Variants in CRACR2A observed in about 807,000 individuals in gnomAD.
CRACR2A encodes the protein EF-hand calcium-binding domain-containing protein 4B.
A neutral mutation model predicts 90.5 loss-of-function variants in CRACR2A; 79 were observed. The observed-to-expected ratio is 0.87, with a 90% CI of 0.73 to 1.05. The LOEUF is 1.05. Among genes scored for constraint, CRACR2A ranks in the 50% least tolerant of loss-of-function variants. The probability of loss-of-function intolerance (pLI) is 0.00; values close to 1 mark genes in which losing one functional copy is unlikely to be tolerated. For synonymous variants in CRACR2A, 338 were observed against 356.7 expected (o/e 0.95, Z 0.59); for missense variants, 823 against 897.2 (o/e 0.92, Z 1.06).
intron 2 of CRACR2A, chr12:3,727,826 G>A (rs1002952850): frequency 3.3e-5 from 5 of 151,906 alleles, no homozygotes; most frequent in East Asian, 1.9e-4. Context: ...CCCAAACCTC[G>A]GCATTATGCA....
At position 3,633,754 on chromosome 12, in the gene CRACR2A, T is replaced by A; in HGVS notation, c.1603-18A>T. 1.3e-6 allele frequency: 2 copies of A among 1,551,384 alleles called. No individual in the cohort carries two copies. Among genetic ancestry groups the A allele is most frequent in the Non-Finnish European group, 1.7e-6 (2 of 1,146,942 alleles). ...CTTTCCTCCTGTGGATGGCACACAA[T>A]CTGACCAACTGCAGGGAATAGTCTT... is the stretch of plus-strand genomic sequence containing the variant. On this transcript the variant is annotated intron_variant, in intron 14 of 19. Coordinates refer to ENST00000440314, the MANE Select transcript of CRACR2A (RefSeq NM_001144958.2). The surrounding 1 kb of genome is among the most constrained non-coding windows in gnomAD (Gnocchi z 4.5).
chr12:3,727,305 C>A (rs750290322), intron 2 of CRACR2A: 4 of 152,042 alleles, frequency 2.6e-5, no homozygotes, highest in Admixed American at 6.6e-5. Flanking sequence ...AAAGAAGTAA[C>A]CATGATAGCT....
chr12:3,699,841 T>C (rs1034094912), intron 3 of CRACR2A, among the ~76,000 whole-genome samples: 1 of 152,188 alleles, frequency 6.6e-6, no homozygotes, highest in Non-Finnish European at 1.5e-5. Context: ...AATCTTTTGC[T>C]GAAGTCTTCA....
chr12:3,720,283 A>G lies in CRACR2A; in HGVS notation c.-117-6966T>C, dbSNP rs191933152. ...AAGGAAAGAAAGAAAGAGAGAGAGA[A>G]AGAAAGAAAGAAAAAGAAAGAAAGA... On this transcript the variant is annotated intron_variant, in intron 2 of 19. Coordinates refer to ENST00000440314, the MANE Select transcript of CRACR2A (RefSeq NM_001144958.2). Among the ~76,000 whole-genome samples, 1,406 of 143,392 alleles carry G rather than the reference A, an allele frequency of 9.8e-3. 21 individuals carry two copies. The highest frequency in any genetic ancestry group is 0.036 in the African/African-American group (1,324 of 36,344). 94.1% of individuals were successfully genotyped at this position (143,392 alleles called of 152,430 possible). A position where few individuals can be genotyped will look rare whatever the true frequency, so the allele number is the denominator to read the frequency against.
intron 6 of CRACR2A, among the ~76,000 whole-genome samples, chr12:3,677,648 T>C (rs922237617): frequency 3.9e-5 from 6 of 152,210 alleles, no homozygotes; most frequent in Admixed American, 3.3e-4. Flanking sequence ...CTCTGGCCTG[T>C]TGTCCTTGGA....
intron 1 of CRACR2A, among the ~76,000 whole-genome samples, chr12:3,745,825 T>TAAAATAAAATA (rs149739964): frequency 9.0e-5 from 9 of 100,512 alleles, no homozygotes; most frequent in Non-Finnish European, 1.2e-4. Context: ...TAAAATAAAA[T>TAAAATAAAATA]AAAGAAAGAA....
Position 3,659,559 on chromosome 12 carries a change from C to T in CRACR2A, c.762+5G>A, listed in dbSNP as rs1354023200. 12 of 1,613,874 alleles carry T rather than the reference C, an allele frequency of 7.4e-6. No homozygotes were observed. The Admixed American group carries it at 2.0e-4, about 27-fold the overall frequency. On this transcript the variant is annotated splice_donor_5th_base_variant and intron_variant, in intron 8 of 19. Coordinates refer to ENST00000440314, the MANE Select transcript of CRACR2A (RefSeq NM_001144958.2). ...CAGAGCCAAGCCTGGGGAGCGTACA[C>T]TTACCTTCAGGAGAAACTGCTCCTT...
chr12:3,647,912 T>C (rs1944719079), intron 11 of CRACR2A: 1 of 985,354 alleles, frequency 1.0e-6, no homozygotes, highest in Non-Finnish European at 1.2e-6. Context: ...GGTTTGTCTT[T>C]CTGAGGAGGG....
intron 4 of CRACR2A, among the ~76,000 whole-genome samples, chr12:3,689,883 T>C (rs1161645239): frequency 2.0e-5 from 3 of 151,862 alleles, no homozygotes; most frequent in African/African-American, 7.3e-5. Flanking sequence ...CTTGGAAGGG[T>C]GTATATGTCC....
In CRACR2A at chr12:3,640,075, C is replaced by T. The variant is rs181500522; in HGVS notation, c.1272-1621G>A. Among the ~76,000 whole-genome samples the T allele has an allele frequency of 2.6e-5, 4 of 152,210 alleles. No homozygotes were observed. In the East Asian group the frequency reaches 7.7e-4, roughly 29 times the overall value. On this transcript the variant is annotated intron_variant, in intron 13 of 19. Transcript: ENST00000440314. The stretch of plus-strand genomic sequence containing the variant: ...CACTTAAACAGGCATTAAAACAAAG[C>T]ATTTCTTGGAAAAAGCTTTCTGTCT...
At chr12:3,625,985 A>C (rs1260630459) in intron 17 of CRACR2A, among the ~76,000 whole-genome samples, 3 of 152,256 alleles carry the variant, frequency 2.0e-5, no homozygotes, top group African/African-American at 7.2e-5. Context: ...TGCTGGATTC[A>C]CCCATACCAT....
Position 3,671,262 on chromosome 12 carries a change from T to C in CRACR2A, c.671+2184A>G, listed in dbSNP as rs567711012. 5.3e-5 allele frequency among the ~76,000 whole-genome samples: 8 copies of C among 152,268 alleles called. No individual in the cohort carries two copies. The South Asian group carries it at 1.5e-3, about 28-fold the overall frequency. Reference sequence around the variant, plus strand: ...TCTCCTTAGAGAACAGAAGAATGCCTTCCTCTCTGGGAGAGACCACTTAAC... The same window carrying C: ...TCTCCTTAGAGAACAGAAGAATGCCCTCCTCTCTGGGAGAGACCACTTAAC... On this transcript the variant is annotated intron_variant, in intron 7 of 19. Coordinates refer to ENST00000440314, the MANE Select transcript of CRACR2A (RefSeq NM_001144958.2).
At position 3,711,536 on chromosome 12, in the gene CRACR2A, T is replaced by C. The variant is rs1279295654; in HGVS notation, c.-37+1701A>G. 1.3e-5 allele frequency among the ~76,000 whole-genome samples: 2 copies of C among 152,228 alleles called. No homozygotes were observed. Among genetic ancestry groups the C allele is most frequent in the Non-Finnish European group, 2.9e-5 (2 of 68,038 alleles). ...TCTAATAACATGTTCTTCATTTTCA[T>C]CCGAGACCTCATCAGAATGGCTTTT... On this transcript the variant is annotated intron_variant, in intron 3 of 19. Transcript: ENST00000440314. The surrounding 1 kb of genome is among the most constrained non-coding windows in gnomAD (Gnocchi z 4.3).
chr12:3,729,578 C>T (rs1001883321), intron 2 of CRACR2A: 1 of 152,266 alleles, frequency 6.6e-6, no homozygotes, highest in Non-Finnish European at 1.5e-5. Context: ...TGGTGTGCAC[C>T]TGTAGTCGCA....
intron 1 of CRACR2A, among the ~76,000 whole-genome samples, chr12:3,747,398 G>A (rs79321752): frequency 0.1 from 15,573 of 152,186 alleles, 1,024 homozygotes; most frequent in Non-Finnish European, 0.14. Flanking sequence ...CTGGAGTTCC[G>A]TCTTTGGTCA....
At chr12:3,750,960 G>A (rs1946694085) in intron 1 of CRACR2A, among the ~76,000 whole-genome samples, 1 of 152,190 alleles carries the variant, frequency 6.6e-6, no homozygotes, top group South Asian at 2.1e-4. Flanking sequence ...CTCTGTCAGT[G>A]GCATCACCAG....
chr12:3,630,194 C>G (rs1245216262), intron 15 of CRACR2A, among the ~76,000 whole-genome samples: 1 of 152,190 alleles, frequency 6.6e-6, no homozygotes, highest in African/African-American at 2.4e-5. Context: ...TCGACCCTCA[C>G]ATCGAGGTGA....
chr12:3,720,415 G>GAAA (rs1259907038), intron 2 of CRACR2A, among the ~76,000 whole-genome samples: 7 of 133,906 alleles, frequency 5.2e-5, no homozygotes, highest in East Asian at 2.3e-4. Context: ...GTGAGAGAGA[G>GAAA]GAAGAAAGAA....
At chr12:3,750,574 A>T (rs1450980596) in intron 1 of CRACR2A, among the ~76,000 whole-genome samples, 1 of 152,226 alleles carries the variant, frequency 6.6e-6, no homozygotes, top group Non-Finnish European at 1.5e-5. Context: ...GCCTTGGAAA[A>T]TATAAAATCT....
Sources: gnomAD v4.1 joint callset for allele counts (sites outside exome capture counted in the v4.1 genomes callset) on GRCh38, gnomAD v4.1.1 for gene constraint, Gnocchi (gnomAD v3.1) non-coding constraint, MANE v1.5 for transcripts, NCBI Gene and HGNC (gene_info 2026-07-23, HGNC 2026-07-21) for gene names.